IGLL5: variants seen among roughly 807,000 people sequenced by gnomAD.
IGLL5 encodes immunoglobulin lambda like polypeptide 5.
Under a neutral mutation model 20.9 loss-of-function variants are expected in IGLL5, and 30 were observed. The ratio of observed to expected loss-of-function variants is 1.44; its 90% CI spans 1.07 to 1.95. The LOEUF (loss-of-function observed/expected upper bound fraction) is 1.95, where lower values mean the gene tolerates loss of function less well. IGLL5 is among the 30% of genes most tolerant of loss of function. The pLI is 0.00. For synonymous variants in IGLL5, 203 were observed against 117.3 expected, an observed-to-expected ratio of 1.73 and a Z score of -4.72; for missense variants, 475 against 270.7, an observed-to-expected ratio of 1.75 and a Z score of -5.30.
chr22:22,892,828 C>T (rs76303018), intron 1 of IGLL5, among the ~76,000 whole-genome samples: 29 of 151,108 alleles, frequency 1.9e-4, no homozygotes, highest in African/African-American at 7.0e-4. Context: ...GGGTGGGGAT[C>T]TGGGAGTCAG....
chr22:22,888,129 CTG>C lies in IGLL5; in HGVS notation c.77_78del (p.Leu26ProfsTer65). 6.5e-7 allele frequency: 1 copy of C among 1,548,504 alleles called. No homozygotes were observed. On this transcript the variant is annotated frameshift_variant, in exon 1 of 3. Transcript: ENST00000526893. LOFTEE classifies it high-confidence loss of function. ...CCCTGGTCCCAGGCAGCGCTGGCCC[CTG>C]CTGCTGCTGGGTCTGGCCATGGTCG... ...LGPGPRQRWP[L>X]LLLGLAMVAH...
At position 22,888,045 on chromosome 22, in the gene IGLL5, T is replaced by A. The variant is rs1267418663; in HGVS notation, c.-9T>A. On this transcript the variant is annotated 5_prime_UTR_variant, in exon 1 of 3. Coordinates refer to ENST00000526893, the MANE Select transcript of IGLL5 (RefSeq NM_001178126.2). ...GTCGGGCCAGAGGTGCCCCTGAACC[T>A]GAAGGCCAATGAGACCCAAGACAGG... 1 of 1,548,642 alleles carries A rather than the reference T, an allele frequency of 6.5e-7. No individual in the cohort carries two copies.
At chr22:22,889,460 A>T (rs2067721532) in intron 1 of IGLL5, among the ~76,000 whole-genome samples, 1 of 151,362 alleles carries the variant, frequency 6.6e-6, no homozygotes, top group East Asian at 2.0e-4. Context: ...TTGGGGGAAT[A>T]ATCAAAGCTG....
At chr22:22,894,687 C>T (rs2066682454) in intron 2 of IGLL5, among the ~76,000 whole-genome samples, 1 of 151,376 alleles carries the variant, frequency 6.6e-6, no homozygotes, top group East Asian at 2.0e-4. Context: ...GGCCTGGGGG[C>T]TGCTGAGTCT....
At chr22:22,889,174 A>G (rs1601606757) in intron 1 of IGLL5, among the ~76,000 whole-genome samples, 3 of 151,076 alleles carry the variant, frequency 2.0e-5, no homozygotes, top group Admixed American at 1.3e-4. Flanking sequence ...AGAGGGGGTG[A>G]TGGCCAAGTC....
chr22:22,893,918 C>G (rs943102693), intron 2 of IGLL5, 100 bp downstream of exon 2: 4 of 850,090 alleles, frequency 4.7e-6, no homozygotes, highest in Admixed American at 3.6e-5. Flanking sequence ...TCCTCCCAGC[C>G]TTAAGCACTG....
At chr22:22,888,889 A>T (rs538776144) in intron 1 of IGLL5, among the ~76,000 whole-genome samples, 1 of 151,410 alleles carries the variant, frequency 6.6e-6, no homozygotes, top group African/African-American at 2.4e-5. Flanking sequence ...GATGATGCCC[A>T]GGCTGGTCTC....
chr22:22,888,508 C>G lies in IGLL5; in HGVS notation c.206+249C>G, dbSNP rs191281222. Reference sequence around the variant, plus strand: ...TTTTCTGGCGCCACTTAAATTTTCACCAGGGTCAGTGCCTCAATCACCTAG... The same window carrying G: ...TTTTCTGGCGCCACTTAAATTTTCAGCAGGGTCAGTGCCTCAATCACCTAG... On this transcript the variant is annotated intron_variant, in intron 1 of 2. Transcript: ENST00000526893. Among the ~76,000 whole-genome samples the G allele has an allele frequency of 3.3e-5, 5 of 151,396 alleles. 1 individual carries two copies. The highest frequency in any genetic ancestry group is 2.1e-4 in the South Asian group (1 of 4,750).
intron 1 of IGLL5, among the ~76,000 whole-genome samples, chr22:22,890,195 T>C (rs2067783518): frequency 6.7e-6 from 1 of 149,238 alleles, no homozygotes; most frequent in Admixed American, 6.7e-5. Flanking sequence ...CAGAGAAGTA[T>C]ATAAAGTAAA....
At chr22:22,893,888 C>T (rs958549163) in intron 2 of IGLL5, 70 bp downstream of exon 2, 5 of 1,047,150 alleles carry the variant, frequency 4.8e-6, no homozygotes, top group Admixed American at 1.7e-5. Flanking sequence ...TTTTCTCTCT[C>T]TGGGGCTTCC....
intron 1 of IGLL5, among the ~76,000 whole-genome samples, chr22:22,888,798 A>T (rs182504105): frequency 5.9e-5 from 9 of 151,356 alleles, no homozygotes; most frequent in South Asian, 2.1e-4. Flanking sequence ...GGTGGGATGA[A>T]CCGAGGGGAG....
In IGLL5 at chr22:22,888,705, C is replaced by T. The variant is rs2067634635; in HGVS notation, c.206+446C>T. ...CACTCCCTGGAGAAGGCAGCAAGGG[C>T]TTGGTTTGGTCTCCCCCAAGGCTGT... On this transcript the variant is annotated intron_variant, in intron 1 of 2. Transcript: ENST00000526893. 2.0e-5 allele frequency among the ~76,000 whole-genome samples: 3 copies of T among 151,366 alleles called. 1 individual carries two copies. The highest frequency in any genetic ancestry group is 7.5e-3 in the Middle Eastern group (2 of 268).
At chr22:22,894,130 A>G (rs2067986472) in intron 2 of IGLL5, among the ~76,000 whole-genome samples, 4 of 151,462 alleles carry the variant, frequency 2.6e-5, no homozygotes, top group South Asian at 2.1e-4. Context: ...GGGGCCCTGC[A>G]GTGTCCTTAG....
intron 1 of IGLL5, among the ~76,000 whole-genome samples, chr22:22,890,829 T>C (rs2146011065): frequency 6.6e-6 from 1 of 151,250 alleles, no homozygotes; most frequent in African/African-American, 2.4e-5. Context: ...TGAATGTGTT[T>C]ATGGTTTTAT....
chr22:22,889,691 G>T (rs1051191598), intron 1 of IGLL5, among the ~76,000 whole-genome samples: 27 of 151,248 alleles, frequency 1.8e-4, no homozygotes, highest in African/African-American at 5.6e-4. Flanking sequence ...GGGCTCAAAA[G>T]ATCCTCCAGC....
chr22:22,893,944 CATGGGGCCTGGA>C, intron 2 of IGLL5, 126 bp downstream of exon 2: 1 of 750,968 alleles, frequency 1.3e-6, no homozygotes, highest in Non-Finnish European at 2.4e-6. Flanking sequence ...TACCTTTCTC[CATGGGGCCTGGA>C]GGAGGTGCAT....
intron 1 of IGLL5, among the ~76,000 whole-genome samples, chr22:22,888,514 T>A (rs2067608674): frequency 2.0e-5 from 3 of 151,376 alleles, no homozygotes; most frequent in East Asian, 4.0e-4. Flanking sequence ...TTCACCAGGG[T>A]CAGTGCCTCA....
intron 1 of IGLL5, among the ~76,000 whole-genome samples, chr22:22,889,033 T>G (rs2067677940): frequency 1.3e-5 from 2 of 151,348 alleles, no homozygotes; most frequent in Admixed American, 6.6e-5. Context: ...ATAGGGTCCG[T>G]GCACCATTCC....
At chr22:22,894,450 C>T (rs184322596) in intron 2 of IGLL5, among the ~76,000 whole-genome samples, 3 of 151,424 alleles carry the variant, frequency 2.0e-5, no homozygotes, top group Admixed American at 6.6e-5. Flanking sequence ...ATCCAACCCT[C>T]CCAGGACAGT....
Sources: gnomAD v4.1 joint callset for allele counts (sites outside exome capture counted in the v4.1 genomes callset) on GRCh38, gnomAD v4.1.1 for gene constraint, MANE v1.5 for transcripts, NCBI Gene and HGNC (gene_info 2026-07-23, HGNC 2026-07-21) for gene names.